PRKCB: variants seen among roughly 807,000 people sequenced by gnomAD.
PRKCB encodes protein kinase C beta type.
In PRKCB, 13 loss-of-function variants were observed where a neutral mutation model predicts 81.5. The observed-to-expected ratio is 0.16, with a 90% confidence interval of 0.10 to 0.25. PRKCB has a LOEUF of 0.25. Ranked by LOEUF, PRKCB falls within the 10% of genes least tolerant of loss-of-function variation. The probability of loss-of-function intolerance (pLI) is 1.00; values close to 1 mark genes in which losing one functional copy is unlikely to be tolerated. For synonymous variants in PRKCB, 335 were observed against 321.4 expected (o/e 1.04, Z -0.45); for missense variants, 509 against 875.7 (o/e 0.58, Z 5.29).
intron 5 of PRKCB, among the ~76,000 whole-genome samples, chr16:24,064,312 T>C (rs1966007440): frequency 6.6e-6 from 1 of 152,264 alleles, no homozygotes; most frequent in Admixed American, 6.5e-5. Context: ...GCTACACATT[T>C]TCCTTTAAGC....
At chr16:23,931,801 A>G (rs1963981786) in intron 2 of PRKCB, among the ~76,000 whole-genome samples, 1 of 152,192 alleles carries the variant, frequency 6.6e-6, no homozygotes, top group South Asian at 2.1e-4. Context: ...TTTTAGGATG[A>G]CTTGAAAGCC....
chr16:24,107,315 A>G (rs1966591585), intron 7 of PRKCB, among the ~76,000 whole-genome samples: 1 of 152,144 alleles, frequency 6.6e-6, no homozygotes, highest in Non-Finnish European at 1.5e-5. Flanking sequence ...TTCTATTTAA[A>G]TGACTAAATT....
chr16:24,004,109 A>G (rs561396944), intron 3 of PRKCB, among the ~76,000 whole-genome samples: 1 of 152,334 alleles, frequency 6.6e-6, no homozygotes, highest in South Asian at 2.1e-4. Flanking sequence ...AAAGATAAAA[A>G]TATGCCAGCA....
intron 4 of PRKCB, among the ~76,000 whole-genome samples, chr16:24,034,933 A>C (rs1487987311): frequency 2.0e-5 from 3 of 152,164 alleles, no homozygotes; most frequent in Non-Finnish European, 4.4e-5. Flanking sequence ...GACTCTTTCC[A>C]GGGAGCCCAA....
At chr16:23,874,696 C>G (rs1962967809) in intron 2 of PRKCB, among the ~76,000 whole-genome samples, 1 of 151,184 alleles carries the variant, frequency 6.6e-6, no homozygotes, top group African/African-American at 2.4e-5. Context: ...GCAGGCCAAA[C>G]AAAATGTGGG....
intron 2 of PRKCB, among the ~76,000 whole-genome samples, chr16:23,916,895 G>T (rs1331523318): frequency 6.6e-6 from 1 of 151,670 alleles, no homozygotes; most frequent in African/African-American, 2.4e-5. Context: ...AAGTAGCTGG[G>T]ACTACAGGCA....
At position 24,070,188 on chromosome 16, in the gene PRKCB, G is replaced by T. The variant is rs187150721; in HGVS notation, c.530-22603G>T. 3.4e-5 allele frequency among the ~76,000 whole-genome samples: 5 copies of T among 147,342 alleles called. No homozygotes were observed. In the Admixed American group the frequency reaches 3.4e-4, roughly 10 times the overall value. Reference sequence around the variant, plus strand: ...TTTTGAGACAAGGTCTTGCTCTGTCGTCCAGGCTGGAGTGCAGTGGCACGA... The same window carrying T: ...TTTTGAGACAAGGTCTTGCTCTGTCTTCCAGGCTGGAGTGCAGTGGCACGA... On this transcript the variant is annotated intron_variant, in intron 5 of 16. Transcript: ENST00000643927.
In PRKCB at chr16:23,997,894, G is replaced by A. The variant is rs76962184; in HGVS notation, c.288+9304G>A. Among the ~76,000 whole-genome samples, 803 of 152,274 alleles carry A rather than the reference G, an allele frequency of 5.3e-3. 4 individuals carry two copies. The highest frequency in any genetic ancestry group is 7.3e-3 in the Non-Finnish European group (495 of 68,014). ...ATGGATGCCAAGTTGAGAAAGGGTG[G>A]ACTTGTGATGGTTAATTTTGCACAT... On this transcript the variant is annotated intron_variant, in intron 3 of 16. Transcript: ENST00000643927.
At chr16:23,934,286 A>T (rs1407633764) in intron 2 of PRKCB, among the ~76,000 whole-genome samples, 1 of 149,986 alleles carries the variant, frequency 6.7e-6, no homozygotes, top group African/African-American at 2.5e-5. Flanking sequence ...TTTCTAAGAA[A>T]CGTTGATTTT....
chr16:23,925,626 A>T lies in PRKCB; in HGVS notation c.206-62882A>T, dbSNP rs189276646. Among the ~76,000 whole-genome samples the T allele has an allele frequency of 4.1e-3, 617 of 152,156 alleles. 1 individual carries two copies. The highest frequency in any genetic ancestry group is 0.012 in the African/African-American group (506 of 41,532). Reference sequence around the variant, plus strand: ...AACATGAGGACTTCTTAAATTTTTTAAAAAAAGTTTTTACTTGTATAAATT... The same window carrying T: ...AACATGAGGACTTCTTAAATTTTTTTAAAAAAGTTTTTACTTGTATAAATT... On this transcript the variant is annotated intron_variant, in intron 2 of 16. Coordinates refer to ENST00000643927, the MANE Select transcript of PRKCB (RefSeq NM_002738.7).
chr16:24,087,359 G>A (rs975528288), intron 5 of PRKCB, among the ~76,000 whole-genome samples: 2 of 152,066 alleles, frequency 1.3e-5, no homozygotes, highest in African/African-American at 2.4e-5. Context: ...CAATGTTATC[G>A]GCATGGGCAA....
Position 24,142,760 on chromosome 16 carries a change from T to A in PRKCB, c.1066-11924T>A, listed in dbSNP as rs571156098. 2.0e-4 allele frequency among the ~76,000 whole-genome samples: 30 copies of A among 152,274 alleles called. No individual in the cohort carries two copies. The South Asian group carries it at 6.2e-3, about 32-fold the overall frequency. On this transcript the variant is annotated intron_variant, in intron 9 of 16. Transcript: ENST00000643927. ...GGAGTTGAGCTCATCTGACCTACCC[T>A]CTGCAGGTCTTCAGGGGGACTGGGA...
At chr16:23,852,318 T>G (rs1051495456) in intron 2 of PRKCB, among the ~76,000 whole-genome samples, 2 of 152,256 alleles carry the variant, frequency 1.3e-5, no homozygotes, top group African/African-American at 4.8e-5. Context: ...ACTTTTTTCA[T>G]GAAAGAATGT....
At chr16:24,001,886 G>A (rs1965038730) in intron 3 of PRKCB, among the ~76,000 whole-genome samples, 1 of 152,162 alleles carries the variant, frequency 6.6e-6, no homozygotes, top group African/African-American at 2.4e-5. Flanking sequence ...TAGAGTAAGA[G>A]CTTCAGGACC....
At chr16:24,178,096 T>G (rs1479563383) in intron 12 of PRKCB, among the ~76,000 whole-genome samples, 3 of 152,252 alleles carry the variant, frequency 2.0e-5, no homozygotes, top group Admixed American at 2.0e-4. Flanking sequence ...TCTAAATCTC[T>G]ACTTAATTGA....
intron 3 of PRKCB, among the ~76,000 whole-genome samples, chr16:23,995,185 G>A (rs1964938708): frequency 6.6e-6 from 1 of 152,080 alleles, no homozygotes; most frequent in African/African-American, 2.4e-5. Flanking sequence ...ATGGCCTACT[G>A]GGCCTACTTG....
chr16:23,959,012 A>G (rs1245155121), intron 2 of PRKCB, among the ~76,000 whole-genome samples: 1 of 152,180 alleles, frequency 6.6e-6, no homozygotes, highest in African/African-American at 2.4e-5. Flanking sequence ...CAATTTCTCC[A>G]TTTGTAAAAT....
chr16:24,112,844 A>G, intron 7 of PRKCB, 129 bp from the exon 8 acceptor site: 2 of 634,686 alleles, frequency 3.2e-6, no homozygotes, highest in Non-Finnish European at 5.4e-6. Context: ...AAACCAAAAC[A>G]AACCAAAAAA....
At chr16:23,856,733 C>T (rs1041236738) in intron 2 of PRKCB, among the ~76,000 whole-genome samples, 9 of 152,252 alleles carry the variant, frequency 5.9e-5, no homozygotes, top group South Asian at 4.1e-4. Context: ...CTATGTTGCT[C>T]GGGCTGGTCT....
Sources: gnomAD v4.1 joint callset for allele counts (sites outside exome capture counted in the v4.1 genomes callset) on GRCh38, gnomAD v4.1.1 for gene constraint, MANE v1.5 for transcripts, NCBI Gene and HGNC (gene_info 2026-07-23, HGNC 2026-07-21) for gene names.